Variants in GRIN2D observed in about 807,000 individuals in gnomAD.
GRIN2D encodes glutamate receptor ionotropic, NMDA 2D.
In GRIN2D, 37 loss-of-function variants were observed where a neutral mutation model predicts 103.2. The observed-to-expected ratio is 0.36, with a 90% CI of 0.28 to 0.47. The LOEUF is 0.47. Ranked by LOEUF, GRIN2D falls within the 20% of genes least tolerant of loss-of-function variation. The pLI is 1.00. For synonymous variants in GRIN2D, 845 were observed against 885.6 expected, an observed-to-expected ratio of 0.95 and a Z score of 0.81; for missense variants, 1,557 against 1,910.6, an observed-to-expected ratio of 0.81 and a Z score of 3.45.
rs542560403 is a variant in GRIN2D, at chr19:48,401,284, A to C, written c.465+2427A>C. 3.9e-4 allele frequency among the ~76,000 whole-genome samples: 60 copies of C among 152,190 alleles called. 1 individual carries two copies. The highest frequency in any genetic ancestry group is 1.2e-3 in the African/African-American group (49 of 41,532). ...GGGGGGGAAAAAAAGAGAGGGAGACAAGGTCCCTGCCTTATAGAGCTTGCA... is the reference window on the plus strand; with the variant it reads ...GGGGGGGAAAAAAAGAGAGGGAGACCAGGTCCCTGCCTTATAGAGCTTGCA... On this transcript the variant is annotated intron_variant, in intron 3 of 13. Coordinates refer to ENST00000263269, the MANE Select transcript of GRIN2D (RefSeq NM_000836.4).
chr19:48,422,562 G>A (rs1439170088), intron 11 of GRIN2D, among the ~76,000 whole-genome samples: 2 of 150,640 alleles, frequency 1.3e-5, no homozygotes, highest in Non-Finnish European at 2.9e-5. Context: ...AGTGAGCCGA[G>A]ATCATGCCAC....
intron 11 of GRIN2D, among the ~76,000 whole-genome samples, chr19:48,437,746 A>G (rs1971247961): frequency 6.6e-6 from 1 of 152,178 alleles, no homozygotes; most frequent in African/African-American, 2.4e-5. Flanking sequence ...ATAGCACTTC[A>G]CCTTTCACCC....
intron 3 of GRIN2D, among the ~76,000 whole-genome samples, chr19:48,401,090 A>C (rs1387263209): frequency 6.6e-6 from 1 of 151,890 alleles, no homozygotes; most frequent in East Asian, 1.9e-4. Context: ...TCAAAAAAAA[A>C]AAAAAAACAA....
rs1276145186 is a variant in GRIN2D at position 48,405,971 on chromosome 19, T to C, written c.1085+618T>C. On this transcript the variant is annotated intron_variant, in intron 4 of 13. Coordinates refer to ENST00000263269, the MANE Select transcript of GRIN2D (RefSeq NM_000836.4). This position sits in a 1 kb window ranked among gnomAD's most constrained non-coding sequence, Gnocchi z 5.1. ...AGAGAGGAAGTGGACAGCAAGCACTTTCCTTTTGAGTAAGTGAGGCAGAAA... is the reference window on the plus strand; with the variant it reads ...AGAGAGGAAGTGGACAGCAAGCACTCTCCTTTTGAGTAAGTGAGGCAGAAA... 6.6e-6 allele frequency among the ~76,000 whole-genome samples: 1 copy of C among 152,152 alleles called. No homozygotes were observed. Among genetic ancestry groups the C allele is most frequent in the Non-Finnish European group, 1.5e-5 (1 of 68,020 alleles).
rs1460659305 is a variant in GRIN2D at position 48,414,431 on chromosome 19, G to A, written c.1259G>A (p.Gly420Asp). Residue 420 changes from glycine to aspartate, a missense_variant, in exon 6 of 14, where the codon GGT (glycine) becomes GAT (aspartate). Gly to Asp is a moderately conservative substitution (Grantham distance 94). Coordinates refer to ENST00000263269, the MANE Select transcript of GRIN2D (RefSeq NM_000836.4). The surrounding 1 kb of genome is among the most constrained non-coding windows in gnomAD (Gnocchi z 4.6). ...RLKYPLWSRYGRFLQPVDDTQ... is the reference protein window; with the variant it reads ...RLKYPLWSRYDRFLQPVDDTQ... ...AAGTACCCGCTGTGGTCCCGCTATG[G>A]TCGCTTCCTGCAGCCAGTGGACGAC... is the stretch of plus-strand genomic sequence containing the variant. 1 of 1,610,028 alleles carries A rather than the reference G, an allele frequency of 6.2e-7. No homozygotes were observed. Among genetic ancestry groups the A allele is most frequent in the Admixed American group, 1.7e-5 (1 of 59,504 alleles).
In GRIN2D at chr19:48,419,674, C is replaced by G; in HGVS notation, c.1951C>G (p.Arg651Gly). The G allele has an allele frequency of 1.9e-6, 3 of 1,613,538 alleles. No individual in the cohort carries two copies. The highest frequency in any genetic ancestry group is 1.7e-6 in the Non-Finnish European group (2 of 1,179,844). Residue 651 changes from arginine to glycine, a missense_variant, in exon 10 of 14, where the codon CGG becomes GGG. Physicochemically the swap from Arg to Gly is moderately radical, Grantham distance 125 (BLOSUM62 -2). Coordinates refer to ENST00000263269, the MANE Select transcript of GRIN2D (RefSeq NM_000836.4). ...TAATTCGGTGCCCGTGGAGAACCCC[C>G]GGGGAACCACCAGCAAAATCATGGT... ...FNNSVPVENP[R>G]GTTSKIMVLV...
intron 4 of GRIN2D, among the ~76,000 whole-genome samples, chr19:48,409,682 G>T (rs966148612): frequency 1.3e-5 from 2 of 152,188 alleles, no homozygotes; most frequent in African/African-American, 4.8e-5. Flanking sequence ...AGAACATAGT[G>T]GGCAAGGGGA....
At chr19:48,401,045 T>A (rs1486482635) in intron 3 of GRIN2D, among the ~76,000 whole-genome samples, 1 of 148,428 alleles carries the variant, frequency 6.7e-6, no homozygotes, top group Non-Finnish European at 1.5e-5. Context: ...ATCTTGCCAC[T>A]GCACTCCAGC....
intron 2 of GRIN2D, among the ~76,000 whole-genome samples, chr19:48,398,000 C>T (rs1970662853): frequency 6.6e-6 from 1 of 151,724 alleles, no homozygotes; most frequent in Non-Finnish European, 1.5e-5. Context: ...GTTTCTTCCC[C>T]ACCTCTCCCT....
intron 3 of GRIN2D, among the ~76,000 whole-genome samples, chr19:48,403,631 G>A (rs994965591): frequency 1.3e-5 from 2 of 152,164 alleles, no homozygotes; most frequent in Middle Eastern, 3.2e-3. Flanking sequence ...TTAGAATTTA[G>A]AATTCTGGCT....
In GRIN2D at chr19:48,442,405, G is replaced by T; in HGVS notation, c.2673+23G>T. 7 of 1,592,516 alleles carry T rather than the reference G, an allele frequency of 4.4e-6. No individual in the cohort carries two copies. Among genetic ancestry groups the T allele is most frequent in the Non-Finnish European group, 6.0e-6 (7 of 1,167,870 alleles). ...AGGGTATGGGGCAGAGAGGGAGGCA[G>T]AGAGGGGGAGATGGCAGGGGCGGGG... On this transcript the variant is annotated intron_variant, in intron 13 of 13. Transcript: ENST00000263269. This position sits in a 1 kb window ranked among gnomAD's most constrained non-coding sequence, Gnocchi z 7.2.
intron 11 of GRIN2D, among the ~76,000 whole-genome samples, chr19:48,430,882 C>T (rs1248964627): frequency 6.7e-5 from 10 of 149,054 alleles, no homozygotes; most frequent in African/African-American, 1.2e-4. Context: ...CACAGTGGCA[C>T]GATCTTGGCT....
intron 8 of GRIN2D, among the ~76,000 whole-genome samples, chr19:48,417,709 C>T (rs114165651): frequency 0.011 from 1,616 of 152,252 alleles, 25 homozygotes; most frequent in African/African-American, 0.036. Context: ...CTATTTATGC[C>T]CCACCAAGTT....
At position 48,405,459 on chromosome 19, in the gene GRIN2D, C is replaced by A; in HGVS notation, c.1085+106C>A. On this transcript the variant is annotated intron_variant, in intron 4 of 13. Coordinates refer to ENST00000263269, the MANE Select transcript of GRIN2D (RefSeq NM_000836.4). This position sits in a 1 kb window ranked among gnomAD's most constrained non-coding sequence, Gnocchi z 5.1. ...AATGGGCCACATCTGCTCTTTGAGC[C>A]TCAGTTTTCTTTTCTGTAAAGTGGG... The A allele has an allele frequency of 8.5e-7, 1 of 1,176,924 alleles. No homozygotes were observed. The highest frequency in any genetic ancestry group is 1.1e-6 in the Non-Finnish European group (1 of 879,742). 72.9% of individuals were successfully genotyped at this position (1,176,924 alleles called of 1,614,324 possible).
Position 48,414,993 on chromosome 19 carries a change from A to G in GRIN2D, c.1542A>G (p.Gly514=). The part of the protein sequence containing the change: ...DLYLVTNGKH[G]KKIDGVWNGM... ...ACCTGGTCACCAATGGCAAGCACGGAAAGAAGATCGATGGCGTCTGGAACG... is the reference window on the plus strand; with the variant it reads ...ACCTGGTCACCAATGGCAAGCACGGGAAGAAGATCGATGGCGTCTGGAACG... The change falls in exon 7 of 14, where the codon GGA becomes GGG. Residue 514 remains glycine (G), a synonymous_variant. Transcript: ENST00000263269. The surrounding 1 kb of genome is among the most constrained non-coding windows in gnomAD (Gnocchi z 4.6). 1.2e-6 allele frequency: 2 copies of G among 1,607,582 alleles called. No homozygotes were observed. The highest frequency in any genetic ancestry group is 1.7e-6 in the Non-Finnish European group (2 of 1,175,518).
At position 48,393,830 on chromosome 19, in the gene GRIN2D, C is replaced by T. The variant is rs953945564; in HGVS notation, c.-344C>T. On this transcript the variant is annotated 5_prime_UTR_variant, in exon 1 of 14. Transcript: ENST00000263269. This position sits in a 1 kb window ranked among gnomAD's most constrained non-coding sequence, Gnocchi z 5.6. ...GGGGTGTTGCCTGGGTAGGTCGGCC[C>T]GGCCCCCAGGGGTCTCTCGAGCGTC... Among the ~76,000 whole-genome samples, 2 of 151,934 alleles carry T rather than the reference C, an allele frequency of 1.3e-5. No homozygotes were observed. The highest frequency in any genetic ancestry group is 4.8e-5 in the African/African-American group (2 of 41,346).
chr19:48,400,613 GC>G (rs1283909930), intron 3 of GRIN2D, among the ~76,000 whole-genome samples: 1 of 152,160 alleles, frequency 6.6e-6, no homozygotes, highest in Non-Finnish European at 1.5e-5. Context: ...CTCAGTGTAC[GC>G]CCATAGCATT....
At position 48,443,850 on chromosome 19, in the gene GRIN2D, C is replaced by A; in HGVS notation, c.3924C>A (p.Pro1308=). The change falls in exon 14 of 14, where the codon CCC becomes CCA. Residue 1308 remains proline, a synonymous_variant. Transcript: ENST00000263269. The surrounding 1 kb of genome is among the most constrained non-coding windows in gnomAD (Gnocchi z 8.9). ...PHAAHWGPPL[P]TASHRRHRGG... ...CCGCGCACTGGGGGCCGCCGCTGCCCACAGCTTCCCACCGGAGACACCGGG... is the reference window on the plus strand; with the variant it reads ...CCGCGCACTGGGGGCCGCCGCTGCCAACAGCTTCCCACCGGAGACACCGGG... The A allele has an allele frequency of 6.7e-7, 1 of 1,485,274 alleles. No homozygotes were observed. Among genetic ancestry groups the A allele is most frequent in the Non-Finnish European group, 8.9e-7 (1 of 1,126,020 alleles). 92.0% of individuals were successfully genotyped at this position (1,485,274 alleles called of 1,614,324 possible). A position where few individuals can be genotyped will look rare whatever the true frequency, so the allele number is the denominator to read the frequency against.
Position 48,431,859 on chromosome 19 carries a change from A to G in GRIN2D, c.2253-9910A>G, listed in dbSNP as rs543633994. Among the ~76,000 whole-genome samples the G allele has an allele frequency of 3.8e-3, 575 of 152,142 alleles. 7 individuals are homozygous for G. Among genetic ancestry groups the G allele is most frequent in the African/African-American group, 0.013 (525 of 41,522 alleles). On this transcript the variant is annotated intron_variant, in intron 11 of 13. Coordinates refer to ENST00000263269, the MANE Select transcript of GRIN2D (RefSeq NM_000836.4). ...CCCAGCCTCCCAAAGTGCTGGGATT[A>G]TAGGTGTGTGCCACCGCGCCCGGCC...
Sources: gnomAD v4.1 joint callset for allele counts (sites outside exome capture counted in the v4.1 genomes callset) on GRCh38, gnomAD v4.1.1 for gene constraint, Gnocchi (gnomAD v3.1) non-coding constraint, MANE v1.5 for transcripts, NCBI Gene and HGNC (gene_info 2026-07-23, HGNC 2026-07-21) for gene names.